Variants in RAB5A observed in about 807,000 individuals in gnomAD.
The protein encoded by RAB5A is ras-related protein Rab-5A.
A neutral mutation model predicts 25.7 loss-of-function variants in RAB5A; 8 were observed. The observed-to-expected ratio is 0.31, with a 90% CI of 0.18 to 0.56. RAB5A has a LOEUF of 0.56. Among genes scored for constraint, RAB5A ranks in the 20% least tolerant of loss-of-function variants. The pLI is 0.91. For synonymous variants in RAB5A, 98 were observed against 89.8 expected, an observed-to-expected ratio of 1.09 and a Z score of -0.52; for missense variants, 192 against 259.7, an observed-to-expected ratio of 0.74 and a Z score of 1.79.
intron 2 of RAB5A, among the ~76,000 whole-genome samples, chr3:19,959,160 A>C (rs775104458): frequency 3.3e-5 from 5 of 152,180 alleles, no homozygotes; most frequent in Non-Finnish European, 5.9e-5. Flanking sequence ...GATTTTGCCA[A>C]ATAGCTCTTA....
chr3:19,983,031 T>G (rs1300768034), intron 5 of RAB5A, among the ~76,000 whole-genome samples: 1 of 152,144 alleles, frequency 6.6e-6, no homozygotes, highest in Non-Finnish European at 1.5e-5. Flanking sequence ...TGACTTAGAT[T>G]TTATTTAATA....
chr3:19,978,815 ATAAGTATACAGATTGACAAATTATTT>A (rs1473774485), intron 5 of RAB5A: 2 of 154,566 alleles, frequency 1.3e-5, no homozygotes, highest in Non-Finnish European at 2.9e-5. Flanking sequence ...AACATGACAC[ATAAGTATACAGATTGACAAATTATTT>A]TAATGTAAAC....
chr3:19,955,352 T>C (rs1696484484), intron 2 of RAB5A, among the ~76,000 whole-genome samples: 2 of 152,174 alleles, frequency 1.3e-5, no homozygotes, highest in African/African-American at 4.8e-5. Context: ...CTTAGAACAG[T>C]GGTCCTCAAA....
intron 2 of RAB5A, among the ~76,000 whole-genome samples, chr3:19,971,942 G>A (rs1328349404): frequency 6.6e-6 from 1 of 151,504 alleles, no homozygotes; most frequent in Non-Finnish European, 1.5e-5. Context: ...GTATCTTTTT[G>A]AACTTCCTTC....
intron 2 of RAB5A, among the ~76,000 whole-genome samples, chr3:19,974,641 C>CT (rs1347639153): frequency 6.7e-6 from 1 of 149,900 alleles, no homozygotes; most frequent in African/African-American, 2.5e-5. Flanking sequence ...AGCAAGAGGC[C>CT]TGGTACGGTG....
rs949508040 is a variant in RAB5A at position 19,947,329 on chromosome 3, G to C, written c.-286G>C. 1.6e-5 allele frequency: 3 copies of C among 192,400 alleles called. No homozygotes were observed. Among genetic ancestry groups the C allele is most frequent in the African/African-American group, 7.2e-5 (3 of 41,500 alleles). The allele number at this position is 192,400 out of a possible 1,614,324, so 11.9% of individuals were successfully genotyped here. A position where few individuals can be genotyped will look rare whatever the true frequency, so the allele number is the denominator to read the frequency against. ...GAGGAAGGGGGAGCGGCGAGAGGCGGAGACGGAGCCCGACAGGGGCGGCAC... is the reference window on the plus strand; with the variant it reads ...GAGGAAGGGGGAGCGGCGAGAGGCGCAGACGGAGCCCGACAGGGGCGGCAC... On this transcript the variant is annotated 5_prime_UTR_variant, in exon 1 of 6. Coordinates refer to ENST00000273047, the MANE Select transcript of RAB5A (RefSeq NM_004162.5).
intron 2 of RAB5A, among the ~76,000 whole-genome samples, chr3:19,955,655 A>C (rs1394425704): frequency 6.6e-6 from 1 of 152,142 alleles, no homozygotes; most frequent in African/African-American, 2.4e-5. Flanking sequence ...ACACTTTGGG[A>C]GGCTGAGGCG....
intron 5 of RAB5A, among the ~76,000 whole-genome samples, chr3:19,979,304 A>G (rs1474345289): frequency 1.5e-5 from 2 of 131,648 alleles, no homozygotes; most frequent in African/African-American, 5.8e-5. Flanking sequence ...TTTTTTTTGA[A>G]ATGGAGTCCT....
intron 2 of RAB5A, among the ~76,000 whole-genome samples, chr3:19,957,717 T>G (rs1575068773): frequency 8.1e-6 from 1 of 123,302 alleles, no homozygotes; most frequent in South Asian, 2.7e-4. Flanking sequence ...AGCAACAGAG[T>G]GAGACTCTGT....
chr3:19,982,333 A>G (rs1282213257), intron 5 of RAB5A, among the ~76,000 whole-genome samples: 1 of 152,192 alleles, frequency 6.6e-6, no homozygotes, highest in African/African-American at 2.4e-5. Flanking sequence ...GTTTGTGTCT[A>G]AGTGTATTTC....
At chr3:19,952,110 G>T (rs1011336592) in intron 2 of RAB5A, among the ~76,000 whole-genome samples, 3 of 152,130 alleles carry the variant, frequency 2.0e-5, no homozygotes, top group Admixed American at 2.0e-4. Flanking sequence ...GGTATTTGGA[G>T]GCTGAGGCAG....
intron 2 of RAB5A, among the ~76,000 whole-genome samples, chr3:19,969,039 T>G (rs7433994): frequency 8.1e-5 from 6 of 74,070 alleles, no homozygotes; most frequent in African/African-American, 6.9e-4. Context: ...TGGTTTTTTT[T>G]TTTTGGTTTT....
At chr3:19,972,428 C>G (rs1270464446) in intron 2 of RAB5A, among the ~76,000 whole-genome samples, 1 of 152,140 alleles carries the variant, frequency 6.6e-6, no homozygotes, top group African/African-American at 2.4e-5. Flanking sequence ...ACACAGAGAA[C>G]TCTGGGAGCA....
intron 2 of RAB5A, among the ~76,000 whole-genome samples, chr3:19,951,701 G>GTTTTTTTTTTTTTGT (rs1696425628): frequency 1.0e-5 from 1 of 99,014 alleles, no homozygotes; most frequent in Non-Finnish European, 2.0e-5. Flanking sequence ...TGCCAGGCAA[G>GTTTTTTTTTTTTTGT]TTTTTTTTTT....
At chr3:19,966,399 A>G (rs1696662905) in intron 2 of RAB5A, among the ~76,000 whole-genome samples, 1 of 152,216 alleles carries the variant, frequency 6.6e-6, no homozygotes. Flanking sequence ...AGGCTGGATA[A>G]TATTCCATTG....
At chr3:19,948,345 A>G (rs1031994510) in intron 1 of RAB5A, among the ~76,000 whole-genome samples, 14 of 152,238 alleles carry the variant, frequency 9.2e-5, no homozygotes, top group African/African-American at 3.4e-4. Context: ...ACCTCTGGGA[A>G]TACTCAAGAC....
At chr3:19,968,656 TC>T (rs1247511954) in intron 2 of RAB5A, among the ~76,000 whole-genome samples, 1 of 152,148 alleles carries the variant, frequency 6.6e-6, no homozygotes, top group African/African-American at 2.4e-5. Context: ...AGCCAGGGTT[TC>T]ACCATTTTGG....
chr3:19,959,913 C>G (rs1696561349), intron 2 of RAB5A, among the ~76,000 whole-genome samples: 1 of 152,064 alleles, frequency 6.6e-6, no homozygotes, highest in African/African-American at 2.4e-5. Flanking sequence ...CCATGAGCCA[C>G]CGCGCTAGGC....
chr3:19,951,310 A>T (rs577249590), intron 2 of RAB5A: 125 of 363,454 alleles, frequency 3.4e-4, no homozygotes, highest in Non-Finnish European at 5.7e-4. Flanking sequence ...CATGAGTAGA[A>T]TCAGTGTCTC....
Sources: gnomAD v4.1 joint callset for allele counts (sites outside exome capture counted in the v4.1 genomes callset) on GRCh38, gnomAD v4.1.1 for gene constraint, MANE v1.5 for transcripts, NCBI Gene and HGNC (gene_info 2026-07-23, HGNC 2026-07-21) for gene names.